Variants in RAB27B observed in about 807,000 individuals in gnomAD.
RAB27B encodes ras-related protein Rab-27B.
RAB27B carries 15 observed loss-of-function variants against 24.6 expected under a neutral mutation model. That is an observed-to-expected ratio of 0.61 (90% CI 0.41 to 0.94). The LOEUF is 0.94. Among genes scored for constraint, RAB27B ranks in the 40% least tolerant of loss-of-function variants. RAB27B has a pLI of 0.00. For missense variants in RAB27B, 261 were observed against 266.8 expected (o/e 0.98, Z 0.15); for synonymous variants, 105 against 92.5 (o/e 1.14, Z -0.78).
intron 1 of RAB27B, among the ~76,000 whole-genome samples, chr18:54,874,648 G>A (rs1458397540): frequency 6.6e-6 from 1 of 151,344 alleles, no homozygotes; most frequent in Admixed American, 6.6e-5. Context: ...CACTTTTTCT[G>A]GGAGCCACGA....
rs1189934864 is a variant in RAB27B at position 54,894,994 on chromosome 18, A to G, written c.*5581A>G. ...GTATTTATTTCAAGGAAACCAATGAATTCTAGGTAGTATATTACAAGTTGG... is the reference window on the plus strand; with the variant it reads ...GTATTTATTTCAAGGAAACCAATGAGTTCTAGGTAGTATATTACAAGTTGG... On this transcript the variant is annotated 3_prime_UTR_variant, in exon 6 of 6. Transcript: ENST00000262094. 6.6e-6 allele frequency: 1 copy of G among 152,096 alleles called. No individual in the cohort carries two copies. Among genetic ancestry groups the G allele is most frequent in the Non-Finnish European group, 1.5e-5 (1 of 67,986 alleles). 9.4% of individuals were successfully genotyped at this position (152,096 alleles called of 1,614,324 possible). A position where few individuals can be genotyped will look rare whatever the true frequency, so the allele number is the denominator to read the frequency against.
intron 2 of RAB27B, among the ~76,000 whole-genome samples, chr18:54,796,582 A>ACT (rs1909427798): frequency 6.6e-6 from 1 of 151,800 alleles, no homozygotes; most frequent in South Asian, 2.1e-4. Flanking sequence ...CCTCTCTCTT[A>ACT]CTCTGCTGTG....
At chr18:54,737,977 A>T (rs970314937) in intron 2 of RAB27B, among the ~76,000 whole-genome samples, 9 of 152,172 alleles carry the variant, frequency 5.9e-5, no homozygotes, top group African/African-American at 1.7e-4. Context: ...GTGTGCTTAA[A>T]AATGTAATGG....
In RAB27B at chr18:54,865,563, C is replaced by G. The variant is rs577318357; in HGVS notation, c.-19-12004C>G. Among the ~76,000 whole-genome samples, 44 of 152,190 alleles carry G rather than the reference C, an allele frequency of 2.9e-4. 1 individual carries two copies. The South Asian group carries it at 8.3e-3, about 29-fold the overall frequency. On this transcript the variant is annotated intron_variant, in intron 1 of 5. Transcript: ENST00000262094. ...AATAAGCTGTAAATTGGACAAGGAG[C>G]CAAATTTTCCCCTTCCTTGTCATCA...
intron 2 of RAB27B, among the ~76,000 whole-genome samples, chr18:54,748,986 G>A (rs1383563006): frequency 6.6e-6 from 1 of 151,996 alleles, no homozygotes; most frequent in Non-Finnish European, 1.5e-5. Context: ...GGAAGGTGAG[G>A]GGCAGAACAC....
upstream of RAB27B, among the ~76,000 whole-genome samples, chr18:54,825,021 T>C (rs12606230): frequency 0.23 from 34,806 of 152,128 alleles, 4,220 homozygotes; most frequent in East Asian, 0.39. Flanking sequence ...GCACACAGGA[T>C]GTATATTTTT....
intron 2 of RAB27B, among the ~76,000 whole-genome samples, chr18:54,821,940 A>T (rs1434165256): frequency 1.3e-5 from 2 of 152,080 alleles, no homozygotes; most frequent in Non-Finnish European, 2.9e-5. Context: ...ATTAGTAGAG[A>T]TGAGGTTTCA....
chr18:54,841,069 C>A (rs1281414928), intron 1 of RAB27B, among the ~76,000 whole-genome samples: 3 of 149,278 alleles, frequency 2.0e-5, no homozygotes, highest in African/African-American at 4.9e-5. Flanking sequence ...TTGCTTGAAC[C>A]CGGGAGGCAG....
chr18:54,792,158 C>A (rs993049897), intron 2 of RAB27B, among the ~76,000 whole-genome samples: 1 of 152,182 alleles, frequency 6.6e-6, no homozygotes, highest in Non-Finnish European at 1.5e-5. Context: ...GTAACACATG[C>A]CCACTGGGTC....
intron 2 of RAB27B, among the ~76,000 whole-genome samples, chr18:54,758,079 G>T (rs1908064590): frequency 6.6e-6 from 1 of 152,002 alleles, no homozygotes; most frequent in African/African-American, 2.4e-5. Flanking sequence ...TCAATGCTGT[G>T]CTTTGTAACC....
At chr18:54,769,610 C>T (rs1908480052) in intron 2 of RAB27B, among the ~76,000 whole-genome samples, 1 of 152,124 alleles carries the variant, frequency 6.6e-6, no homozygotes, top group South Asian at 2.1e-4. Context: ...TTTGTTTACA[C>T]TATTAGGGTT....
chr18:54,834,667 A>T (rs1735363774), intron 1 of RAB27B, among the ~76,000 whole-genome samples: 1 of 76,144 alleles, frequency 1.3e-5, no homozygotes, highest in South Asian at 7.6e-4. Flanking sequence ...ATCTGTGTGC[A>T]TAAGTGTATA....
chr18:54,725,872 G>T (rs1388259313), intron 2 of RAB27B, among the ~76,000 whole-genome samples: 1 of 151,520 alleles, frequency 6.6e-6, no homozygotes, highest in African/African-American at 2.4e-5. Context: ...TCTATGCAAT[G>T]TGTTCATAAA....
chr18:54,721,228 A>G (rs11663071), intron 2 of RAB27B, among the ~76,000 whole-genome samples: 118,597 of 152,100 alleles, frequency 0.78, 46,528 homozygotes, highest in Middle Eastern at 0.9. Flanking sequence ...ATGTGTTCAT[A>G]CATTTGTTGA....
intron 2 of RAB27B, among the ~76,000 whole-genome samples, chr18:54,752,410 C>T (rs949776002): frequency 5.9e-5 from 9 of 152,112 alleles, no homozygotes; most frequent in African/African-American, 1.9e-4. Context: ...TTTAAAAGTC[C>T]CCCAGGTGAT....
intron 2 of RAB27B, among the ~76,000 whole-genome samples, chr18:54,737,166 G>T (rs917690657): frequency 6.6e-6 from 1 of 152,120 alleles, no homozygotes; most frequent in East Asian, 1.9e-4. Flanking sequence ...ACAAAGGTCA[G>T]TTTCGAACCA....
In RAB27B at chr18:54,889,657, A is replaced by G. The variant is rs1035964669; in HGVS notation, c.*244A>G. The G allele has an allele frequency of 4.8e-5, 17 of 353,338 alleles. No homozygotes were observed. The highest frequency in any genetic ancestry group is 8.1e-5 in the Non-Finnish European group (16 of 197,172). The allele number at this position is 353,338 out of a possible 1,614,324, so 21.9% of individuals were successfully genotyped here. On this transcript the variant is annotated 3_prime_UTR_variant, in exon 6 of 6. Transcript: ENST00000262094. ...TGTGATCTCATCATCATGGATACTC[A>G]ATTTGTTTTTTCTTATAGAGAAAAT...
At chr18:54,752,097 G>C (rs145717916) in intron 2 of RAB27B, among the ~76,000 whole-genome samples, 32 of 152,252 alleles carry the variant, frequency 2.1e-4, no homozygotes, top group African/African-American at 6.5e-4. Context: ...ATGACATACA[G>C]GTGTGCATTT....
intron 2 of RAB27B, among the ~76,000 whole-genome samples, chr18:54,800,738 G>A (rs1909574615): frequency 1.3e-5 from 2 of 152,194 alleles, no homozygotes; most frequent in South Asian, 4.2e-4. Flanking sequence ...ATATGATGCT[G>A]TAAATTAGCC....
Sources: gnomAD v4.1 joint callset for allele counts (sites outside exome capture counted in the v4.1 genomes callset) on GRCh38, gnomAD v4.1.1 for gene constraint, MANE v1.5 for transcripts, NCBI Gene and HGNC (gene_info 2026-07-23, HGNC 2026-07-21) for gene names.